DLG2: variants seen among roughly 807,000 people sequenced by gnomAD.
DLG2 encodes the protein discs large MAGUK scaffold protein 2.
Under a neutral mutation model 132.5 loss-of-function variants are expected in DLG2, and 45 were observed. The observed-to-expected ratio is 0.34, with a 90% confidence interval of 0.27 to 0.44. DLG2 has a LOEUF of 0.44. DLG2 is among the 20% of genes least tolerant of loss of function. The probability of loss-of-function intolerance (pLI) is 1.00; values close to 1 mark genes in which losing one functional copy is unlikely to be tolerated. For missense variants in DLG2, 1,045 were observed against 1,196.9 expected, an observed-to-expected ratio of 0.87 and a Z score of 1.87; for synonymous variants, 424 against 419.6, an observed-to-expected ratio of 1.01 and a Z score of -0.13.
intron 17 of DLG2, among the ~76,000 whole-genome samples, chr11:83,793,136 T>G (rs2042003608): frequency 6.6e-6 from 1 of 152,188 alleles, no homozygotes. Flanking sequence ...GGCAGTTTGC[T>G]CTTTCAAAAA....
At chr11:84,650,869 G>GTATATATATATATATA (rs1183546230) in intron 6 of DLG2, among the ~76,000 whole-genome samples, 27 of 121,628 alleles carry the variant, frequency 2.2e-4, no homozygotes, top group African/African-American at 9.3e-4. Context: ...GTGTGTGTGT[G>GTATATATATATATATA]TGTGTATATA....
chr11:85,254,726 C>A (rs996573961), intron 4 of DLG2, among the ~76,000 whole-genome samples: 1 of 152,076 alleles, frequency 6.6e-6, no homozygotes, highest in East Asian at 1.9e-4. Context: ...TTAGGCTGGG[C>A]GTGGTGGCTC....
At chr11:84,046,993 C>G (rs970823129) in intron 11 of DLG2, among the ~76,000 whole-genome samples, 4 of 151,560 alleles carry the variant, frequency 2.6e-5, no homozygotes, top group Non-Finnish European at 5.9e-5. Flanking sequence ...TGTATTGGAT[C>G]TCAGTGTTCC....
At chr11:85,482,520 A>T (rs1325972441) in intron 3 of DLG2, among the ~76,000 whole-genome samples, 2 of 152,116 alleles carry the variant, frequency 1.3e-5, no homozygotes, top group Non-Finnish European at 2.9e-5. Context: ...CCTACTACTC[A>T]ATCTGGTTCC....
chr11:84,107,200 T>G (rs1458137015), intron 9 of DLG2, among the ~76,000 whole-genome samples: 2 of 151,750 alleles, frequency 1.3e-5, no homozygotes, highest in African/African-American at 4.8e-5. Flanking sequence ...AACATAATCT[T>G]GAAGGAGGAG....
At chr11:85,388,931 C>A (rs2086574455) in intron 3 of DLG2, among the ~76,000 whole-genome samples, 1 of 152,078 alleles carries the variant, frequency 6.6e-6, no homozygotes, top group African/African-American at 2.4e-5. Context: ...GGTAATATGA[C>A]AAAACAAGGT....
At chr11:83,838,626 T>A (rs2056830239) in intron 16 of DLG2, among the ~76,000 whole-genome samples, 1 of 152,190 alleles carries the variant, frequency 6.6e-6, no homozygotes. Flanking sequence ...GCATGAAATA[T>A]GGATTTGTGG....
intron 4 of DLG2, among the ~76,000 whole-genome samples, chr11:85,178,835 AATAG>A (rs796805518): frequency 1.8e-4 from 28 of 152,112 alleles, no homozygotes; most frequent in African/African-American, 6.3e-4. Context: ...TGAGATCTAA[AATAG>A]ATAAAGAGCT....
intron 3 of DLG2, among the ~76,000 whole-genome samples, chr11:85,508,181 T>C (rs2093978317): frequency 6.6e-6 from 1 of 152,112 alleles, no homozygotes; most frequent in African/African-American, 2.4e-5. Context: ...AAGTTTGTTA[T>C]TACCAATCAT....
intron 7 of DLG2, among the ~76,000 whole-genome samples, chr11:84,407,231 C>G (rs2098857954): frequency 6.6e-6 from 1 of 151,930 alleles, no homozygotes; most frequent in African/African-American, 2.4e-5. Flanking sequence ...TTTTGTTTCC[C>G]CCACCCCTCC....
chr11:85,396,821 T>C (rs935102809), intron 3 of DLG2, among the ~76,000 whole-genome samples: 1 of 152,194 alleles, frequency 6.6e-6, no homozygotes, highest in African/African-American at 2.4e-5. Context: ...TGGAAAGTGA[T>C]GCGGAGAATT....
At position 85,085,028 on chromosome 11, in the gene DLG2, T is replaced by C. The variant is rs570350714; in HGVS notation, c.357+26633A>G. Among the ~76,000 whole-genome samples, 16 of 152,320 alleles carry C rather than the reference T, an allele frequency of 1.1e-4. No homozygotes were observed. The South Asian group carries it at 3.3e-3, about 32-fold the overall frequency. On this transcript the variant is annotated intron_variant, in intron 6 of 27. Transcript: ENST00000376104. ...GAAGGTCTACCTACCACTCACACTT[T>C]GTATATCTACCTCCAAAGGAAATTT...
intron 4 of DLG2, among the ~76,000 whole-genome samples, chr11:85,250,252 T>C (rs2076332879): frequency 1.3e-5 from 2 of 152,186 alleles, no homozygotes; most frequent in African/African-American, 4.8e-5. Context: ...CCCAGATAAC[T>C]AAGGTGTACC....
Position 84,373,265 on chromosome 11 carries a change from C to CAAAAAAA in DLG2, c.520-121975_520-121974insTTTTTTT, listed in dbSNP as rs59038372. Among the ~76,000 whole-genome samples the CAAAAAAA allele has an allele frequency of 3.5e-4, 34 of 98,052 alleles. 2 individuals carry two copies. The highest frequency in any genetic ancestry group is 1.0e-3 in the Admixed American group (8 of 7,654). The allele number at this position is 98,052 out of a possible 152,430, so 64.3% of individuals were successfully genotyped here. A position where few individuals can be genotyped will look rare whatever the true frequency, so the allele number is the denominator to read the frequency against. On this transcript the variant is annotated intron_variant, in intron 7 of 27. Coordinates refer to ENST00000376104, the MANE Select transcript of DLG2 (RefSeq NM_001142699.3). The stretch of plus-strand genomic sequence containing the variant: ...AGAAACAGTCAAAAAAAAAAAAAAA[C>CAAAAAAA]AAAACAAAAAAAAAACCCACCAGGC...
intron 7 of DLG2, among the ~76,000 whole-genome samples, chr11:84,449,952 A>G (rs954168565): frequency 1.3e-5 from 2 of 151,936 alleles, no homozygotes; most frequent in Non-Finnish European, 2.9e-5. Context: ...CATTAAAATT[A>G]AAGTATAAGT....
chr11:83,756,938 T>A (rs933443452), intron 18 of DLG2, among the ~76,000 whole-genome samples: 1 of 152,192 alleles, frequency 6.6e-6, no homozygotes, highest in East Asian at 1.9e-4. Context: ...GTATTACAGA[T>A]ACATAAAGCA....
At chr11:84,144,955 T>C (rs779259827) in intron 9 of DLG2, among the ~76,000 whole-genome samples, 4 of 152,216 alleles carry the variant, frequency 2.6e-5, no homozygotes, top group Non-Finnish European at 4.4e-5. Flanking sequence ...CCAGGTATTA[T>C]TCAGATGTTA....
At chr11:84,473,286 AG>A (rs1055201063) in intron 7 of DLG2, among the ~76,000 whole-genome samples, 2 of 152,010 alleles carry the variant, frequency 1.3e-5, no homozygotes, top group Non-Finnish European at 2.9e-5. Context: ...CCTCATTTTG[AG>A]GCCACTAAAG....
At chr11:85,466,491 G>A (rs1382223653) in intron 3 of DLG2, among the ~76,000 whole-genome samples, 1 of 152,144 alleles carries the variant, frequency 6.6e-6, no homozygotes, top group Non-Finnish European at 1.5e-5. Flanking sequence ...TTTGTATAAG[G>A]TGTAAGGGAG....
Sources: allele counts gnomAD v4.1 joint callset (sites outside exome capture counted in the v4.1 genomes callset), GRCh38; gene constraint gnomAD v4.1.1; transcripts MANE v1.5; gene names NCBI Gene and HGNC (gene_info 2026-07-23, HGNC 2026-07-21).